The following PHGR1 variants were observed in gnomAD, a reference collection of about 807,000 sequenced individuals.
PHGR1 encodes the protein proline, histidine and glycine-rich protein 1.
Under a neutral mutation model 4.9 loss-of-function variants are expected in PHGR1, and 3 were observed. The ratio of observed to expected loss-of-function variants is 0.61; its 90% CI spans 0.28 to 1.58. The LOEUF (loss-of-function observed/expected upper bound fraction) is 1.58, where lower values mean the gene tolerates loss of function less well. Ranked by LOEUF, PHGR1 falls within the 40% of genes most tolerant of loss-of-function variation. PHGR1 has a pLI of 0.11. For synonymous variants in PHGR1, 32 were observed against 46.1 expected, an observed-to-expected ratio of 0.69 and a Z score of 1.24; for missense variants, 81 against 118.7, an observed-to-expected ratio of 0.68 and a Z score of 1.48.
At chr15:40,354,242 G>C in intron 2 of PHGR1, 103 bp from the exon 3 acceptor site, 2 of 1,316,754 alleles carry the variant, frequency 1.5e-6, no homozygotes, top group Non-Finnish European at 2.1e-6. Flanking sequence ...TGGGTTAGGG[G>C]TGTGGGCACA....
intron 1 of PHGR1, among the ~76,000 whole-genome samples, chr15:40,351,373 A>G (rs1228497592): frequency 6.6e-6 from 1 of 152,144 alleles, no homozygotes; most frequent in Non-Finnish European, 1.5e-5. Context: ...CTGTCCCTCA[A>G]ACACCTGGGC....
At chr15:40,354,237 TA>T in intron 2 of PHGR1, 107 bp from the exon 3 acceptor site, 2 of 1,260,436 alleles carry the variant, frequency 1.6e-6, no homozygotes, top group African/African-American at 1.5e-5. Flanking sequence ...CCTGTTGGGT[TA>T]GGGGTGTGGG....
At chr15:40,354,744 T>C (rs1462568370) in intron 3 of PHGR1, among the ~76,000 whole-genome samples, 1 of 152,014 alleles carries the variant, frequency 6.6e-6, no homozygotes. Flanking sequence ...ATGGGGCCCC[T>C]AGGACCTACT....
intron 3 of PHGR1, among the ~76,000 whole-genome samples, chr15:40,354,686 C>T (rs959539866): frequency 6.6e-6 from 1 of 152,210 alleles, no homozygotes; most frequent in African/African-American, 2.4e-5. Context: ...CTGGCTACCC[C>T]CACAGCCTTG....
chr15:40,355,973 A>C (rs951093565), intron 3 of PHGR1, 100 bp from the exon 4 acceptor site: 1 of 1,289,368 alleles, frequency 7.8e-7, no homozygotes, highest in Non-Finnish European at 1.1e-6. Flanking sequence ...CTTGCCTAGA[A>C]ATCCTGAGTC....
At chr15:40,354,447 C>A (rs1311329983) in intron 3 of PHGR1, 95 bp downstream of exon 3, 3 of 1,381,370 alleles carry the variant, frequency 2.2e-6, no homozygotes, top group African/African-American at 2.9e-5. Context: ...GGAGCAGCCA[C>A]CACTTCCCCC....
At chr15:40,355,923 C>T (rs1889286654) in intron 3 of PHGR1, 150 bp from the exon 4 acceptor site, 10 of 804,840 alleles carry the variant, frequency 1.2e-5, no homozygotes, top group Middle Eastern at 2.2e-4. Flanking sequence ...AGGCACGGGA[C>T]ATGCTACCCA....
chr15:40,351,742 A>C (rs77945550), intron 1 of PHGR1, among the ~76,000 whole-genome samples: 13 of 151,754 alleles, frequency 8.6e-5, no homozygotes, highest in Non-Finnish European at 1.5e-4. Context: ...TCTACAAAAC[A>C]ATTTTTTTTT....
chr15:40,356,230 A>G lies in PHGR1; in HGVS notation c.176A>G (p.His59Arg), dbSNP rs757733858. ...CCAGGGCCCTGCGGGCCACCCCCCCACCATGGTCCAGGGCCCTGCGGGCCT... is the reference window on the plus strand; with the variant it reads ...CCAGGGCCCTGCGGGCCACCCCCCCGCCATGGTCCAGGGCCCTGCGGGCCT... ...HGPGPCGPPP[H>R]HGPGPCGPPP... Residue 59 changes from histidine to arginine, a missense_variant, in exon 4 of 4, where the codon CAC (histidine) becomes CGC (arginine). His to Arg is a conservative substitution (Grantham distance 29). Coordinates refer to ENST00000448599, the MANE Select transcript of PHGR1 (RefSeq NM_001145643.2). 7.2e-5 allele frequency: 92 copies of G among 1,279,908 alleles called. 1 individual carries two copies. The African/African-American group carries it at 1.8e-3, about 24-fold the overall frequency. The allele number at this position is 1,279,908 out of a possible 1,614,324, so 79.3% of individuals were successfully genotyped here.
At chr15:40,353,135 GTGT>G in intron 1 of PHGR1, 94 bp from the exon 2 acceptor site, 7 of 925,392 alleles carry the variant, frequency 7.6e-6, no homozygotes, top group Non-Finnish European at 5.0e-6. Flanking sequence ...GTGTGTGTGT[GTGT>G]GTGTGTGTGC....
chr15:40,354,771 G>C (rs1889263799), intron 3 of PHGR1, among the ~76,000 whole-genome samples: 1 of 152,178 alleles, frequency 6.6e-6, no homozygotes, highest in Admixed American at 6.5e-5. Flanking sequence ...AGAGAAAGGA[G>C]ACTGCGTCTC....
rs1395278291 is a variant in PHGR1 at position 40,356,250 on chromosome 15, G to C, written c.196G>C (p.Gly66Arg). ...PPPHHGPGPC[G>R]PPPGHGPGHP... is the part of the protein sequence containing the mutation. ...CCCCCACCATGGTCCAGGGCCCTGCGGGCCTCCCCCTGGCCATGGCCCAGG... is the reference window on the plus strand; with the variant it reads ...CCCCCACCATGGTCCAGGGCCCTGCCGGCCTCCCCCTGGCCATGGCCCAGG... Residue 66 changes from glycine (G) to arginine (R), a missense_variant, in exon 4 of 4, where the codon GGG (glycine) becomes CGG (arginine). Coordinates refer to ENST00000448599, the MANE Select transcript of PHGR1 (RefSeq NM_001145643.2). 4 of 1,545,756 alleles carry C rather than the reference G, an allele frequency of 2.6e-6. No homozygotes were observed. Among genetic ancestry groups the C allele is most frequent in the Non-Finnish European group, 3.5e-6 (4 of 1,145,144 alleles).
intron 3 of PHGR1, among the ~76,000 whole-genome samples, chr15:40,355,868 T>A (rs990332195): frequency 6.6e-6 from 1 of 152,200 alleles, no homozygotes; most frequent in African/African-American, 2.4e-5. Flanking sequence ...AAATCTAGGT[T>A]GCTTGCCTTT....
Position 40,356,173 on chromosome 15 carries a change from C to G in PHGR1, c.119C>G (p.Pro40Arg), listed in dbSNP as rs772932787. 1 of 1,488,560 alleles carries G rather than the reference C, an allele frequency of 6.7e-7. No homozygotes were observed. The highest frequency in any genetic ancestry group is 9.0e-7 in the Non-Finnish European group (1 of 1,117,092). 92.2% of individuals were successfully genotyped at this position (1,488,560 alleles called of 1,614,324 possible). ...TGCGGGCCACCCCCCCACCATGGTC[C>G]AGGGCCCTGCGGGCCACCCCCTGGC... is the stretch of plus-strand genomic sequence containing the variant. ...GPCGPPPHHG[P>R]GPCGPPPGHG... The change falls in exon 4 of 4, where the codon CCA (proline) becomes CGA (arginine). Residue 40 changes from proline (P) to arginine (R), a missense_variant. By Grantham distance (103) the Pro-to-Arg change is moderately radical. Coordinates refer to ENST00000448599, the MANE Select transcript of PHGR1 (RefSeq NM_001145643.2).
In PHGR1 at chr15:40,353,459, A is replaced by T. The variant is rs1595719416; in HGVS notation, c.10+192A>T. 13 of 691,842 alleles carry T rather than the reference A, an allele frequency of 1.9e-5. No individual in the cohort carries two copies. In the East Asian group the frequency reaches 3.7e-4, roughly 20 times the overall value. The allele number at this position is 691,842 out of a possible 1,614,324, so 42.9% of individuals were successfully genotyped here. On this transcript the variant is annotated intron_variant, in intron 2 of 3. Transcript: ENST00000448599. ...CATACTGTAGAACATGTTACAGTTT[A>T]AAAAGCATGCTTACTCATCATGTTC...
At chr15:40,353,154 CGCGCGCATCCGT>C in intron 1 of PHGR1, 66 bp from the exon 2 acceptor site, 1 of 1,312,810 alleles carries the variant, frequency 7.6e-7, no homozygotes, top group Non-Finnish European at 1.1e-6. Flanking sequence ...TGTGCGCGCG[CGCGCGCATCCGT>C]GGGAGGGAGA....
chr15:40,352,116 T>C (rs543961798), intron 1 of PHGR1, among the ~76,000 whole-genome samples: 1 of 152,208 alleles, frequency 6.6e-6, no homozygotes, highest in South Asian at 2.1e-4. Flanking sequence ...GGTGGGAGGA[T>C]TGCTTGAACC....
chr15:40,355,554 T>C (rs1889279986), intron 3 of PHGR1, among the ~76,000 whole-genome samples: 1 of 152,164 alleles, frequency 6.6e-6, no homozygotes, highest in Non-Finnish European at 1.5e-5. Context: ...CTCCGTGTCT[T>C]CTCATCCTCC....
chr15:40,354,075 C>T (rs1889250802), intron 2 of PHGR1, among the ~76,000 whole-genome samples: 1 of 152,176 alleles, frequency 6.6e-6, no homozygotes, highest in Admixed American at 6.5e-5. Flanking sequence ...ACCCATACCT[C>T]CTAACTGGCG....
Sources: allele counts gnomAD v4.1 joint callset (sites outside exome capture counted in the v4.1 genomes callset), GRCh38; gene constraint gnomAD v4.1.1; transcripts MANE v1.5; gene names NCBI Gene and HGNC (gene_info 2026-07-23, HGNC 2026-07-21).